Variants in EFTUD2 observed in about 807,000 individuals in gnomAD.
EFTUD2 encodes elongation factor Tu GTP binding domain containing 2, also known as 116 kDa U5 small nuclear ribonucleoprotein component.
Under a neutral mutation model 114.3 loss-of-function variants are expected in EFTUD2, and 9 were observed. The observed-to-expected ratio is 0.08, with a 90% CI of 0.05 to 0.14. The LOEUF is 0.14. EFTUD2 is among the 10% of genes least tolerant of loss of function. The probability of loss-of-function intolerance (pLI) is 1.00; values close to 1 mark genes in which losing one functional copy is unlikely to be tolerated. For missense variants in EFTUD2, 765 were observed against 1,241.2 expected (o/e 0.62, Z 5.76); for synonymous variants, 449 against 462.3 (o/e 0.97, Z 0.37).
chr17:44,862,981 GA>G, intron 15 of EFTUD2, 75 bp from the exon 16 acceptor site: 7 of 1,267,904 alleles, frequency 5.5e-6, no homozygotes, highest in Non-Finnish European at 6.7e-6. Context: ...CATCTTCCTT[GA>G]CAGCAAGGAC....
rs2051140798 is a variant in EFTUD2, at chr17:44,884,990, T to C, written c.350+266A>G. Among the ~76,000 whole-genome samples, 3 of 152,208 alleles carry C rather than the reference T, an allele frequency of 2.0e-5. No homozygotes were observed. In the South Asian group the frequency reaches 6.2e-4, roughly 31 times the overall value. On this transcript the variant is annotated intron_variant, in intron 4 of 27. Transcript: ENST00000426333. ...CTCTGGTGGATCCAACAGTGATAACTGCAATACCCAGATCTCTCTTGAAGG... is the reference window on the plus strand; with the variant it reads ...CTCTGGTGGATCCAACAGTGATAACCGCAATACCCAGATCTCTCTTGAAGG...
At chr17:44,883,922 T>C in intron 4 of EFTUD2, 198 bp from the exon 5 acceptor site, 1 of 594,982 alleles carries the variant, frequency 1.7e-6, no homozygotes, top group South Asian at 2.0e-5. Flanking sequence ...GGTAACACAA[T>C]CTGTGAATGG....
rs1375455644 is a variant in EFTUD2, at chr17:44,854,451, C to G, written c.2260-95G>C. ...AGATGTGCCTGTAAGGGGATACTGTCCTTCACCAGAGGACACAAGATACTT... is the reference window on the plus strand; with the variant it reads ...AGATGTGCCTGTAAGGGGATACTGTGCTTCACCAGAGGACACAAGATACTT... On this transcript the variant is annotated intron_variant, in intron 22 of 27. Coordinates refer to ENST00000426333, the MANE Select transcript of EFTUD2 (RefSeq NM_004247.4). The surrounding 1 kb of genome is among the most constrained non-coding windows in gnomAD (Gnocchi z 4.3). The G allele has an allele frequency of 8.9e-6, 14 of 1,579,130 alleles. No individual in the cohort carries two copies. The East Asian group carries it at 2.7e-4, about 30-fold the overall frequency.
In EFTUD2 at chr17:44,883,441, G is replaced by A. The variant is rs1471820907; in HGVS notation, c.426+208C>T. 7 of 613,668 alleles carry A rather than the reference G, an allele frequency of 1.1e-5. No homozygotes were observed. The African/African-American group carries it at 1.3e-4, about 11-fold the overall frequency. 38.0% of individuals were successfully genotyped at this position (613,668 alleles called of 1,614,324 possible). On this transcript the variant is annotated intron_variant, in intron 5 of 27. Transcript: ENST00000426333. ...GTCCAGATGTAGACATAAGGCTCAG[G>A]CATGCAAGTGGCTTAGGAACAGGCT...
chr17:44,877,937 G>A (rs1005490417), intron 9 of EFTUD2, among the ~76,000 whole-genome samples: 1 of 152,094 alleles, frequency 6.6e-6, no homozygotes, highest in African/African-American at 2.4e-5. Context: ...TTCGAGACCA[G>A]CCTGGCCAAC....
intron 15 of EFTUD2, chr17:44,863,117 T>G: frequency 2.3e-6 from 1 of 442,612 alleles, no homozygotes; most frequent in East Asian, 3.4e-5. Context: ...TCTTTTTTTT[T>G]TTTTGGGAGG....
chr17:44,867,729 AG>A, intron 13 of EFTUD2, 77 bp downstream of exon 13: 1 of 1,276,420 alleles, frequency 7.8e-7, no homozygotes, highest in East Asian at 2.7e-5. Flanking sequence ...TTAGGGACAG[AG>A]GGAAGTGTGA....
intron 2 of EFTUD2, among the ~76,000 whole-genome samples, chr17:44,889,150 C>A (rs753982294): frequency 1.3e-5 from 2 of 152,054 alleles, no homozygotes; most frequent in Non-Finnish European, 2.9e-5. Context: ...AGGGAATGAT[C>A]GGCTGGGACA....
intron 2 of EFTUD2, among the ~76,000 whole-genome samples, chr17:44,887,188 G>C (rs1325943391): frequency 1.3e-5 from 2 of 152,192 alleles, no homozygotes; most frequent in Non-Finnish European, 2.9e-5. Context: ...TGCTGGCAAG[G>C]ATGTGGAGAA....
chr17:44,860,788 G>A (rs191375044), intron 16 of EFTUD2, among the ~76,000 whole-genome samples: 1 of 151,926 alleles, frequency 6.6e-6, no homozygotes, highest in Non-Finnish European at 1.5e-5. Context: ...TTGTAGAGAC[G>A]GGGTTTTTTC....
chr17:44,899,172 G>A (rs77932725), intron 1 of EFTUD2, 197 bp downstream of exon 1: 7,336 of 152,304 alleles, frequency 0.048, 623 homozygotes, highest in African/African-American at 0.17. Flanking sequence ...GTGTGCGTGT[G>A]TGCGCGCTTC....
At chr17:44,867,595 C>T (rs915297264) in intron 13 of EFTUD2, among the ~76,000 whole-genome samples, 1 of 152,022 alleles carries the variant, frequency 6.6e-6, no homozygotes, top group Non-Finnish European at 1.5e-5. Context: ...CCACCATGCC[C>T]GGGCCCCTTT....
chr17:44,885,121 C>CAAGCT, intron 4 of EFTUD2, 135 bp downstream of exon 4: 1 of 687,202 alleles, frequency 1.5e-6, no homozygotes, highest in South Asian at 1.8e-5. Flanking sequence ...AGCAGCCACA[C>CAAGCT]AAGCTGAAGG....
intron 5 of EFTUD2, 162 bp downstream of exon 5, chr17:44,883,487 G>T (rs1194595489): frequency 2.8e-6 from 2 of 703,090 alleles, no homozygotes; most frequent in Non-Finnish European, 4.8e-6. Flanking sequence ...CTTGGGAAAA[G>T]CCAGAATTTC....
intron 14 of EFTUD2, 171 bp from the exon 15 acceptor site, chr17:44,863,953 T>G: frequency 1.2e-6 from 1 of 854,412 alleles, no homozygotes; most frequent in Non-Finnish European, 1.7e-6. Flanking sequence ...AATGTGCTGC[T>G]AGAAGATTTG....
Position 44,850,627 on chromosome 17 carries a change from G to T in EFTUD2, c.*647C>A. Reference sequence around the variant, plus strand: ...TTAGGGGAGGCAGCAGTTTCCTGAGGAGGTGGTGGGGTAGACTTCTGATCG... The same window carrying T: ...TTAGGGGAGGCAGCAGTTTCCTGAGTAGGTGGTGGGGTAGACTTCTGATCG... On this transcript the variant is annotated 3_prime_UTR_variant, in exon 28 of 28. Coordinates refer to ENST00000426333, the MANE Select transcript of EFTUD2 (RefSeq NM_004247.4). 1 of 463,430 alleles carries T rather than the reference G, an allele frequency of 2.2e-6. No homozygotes were observed. The highest frequency in any genetic ancestry group is 3.3e-5 in the East Asian group (1 of 29,904). 28.7% of individuals were successfully genotyped at this position (463,430 alleles called of 1,614,324 possible). A position where few individuals can be genotyped will look rare whatever the true frequency, so the allele number is the denominator to read the frequency against.
Position 44,857,211 on chromosome 17 carries a change from A to G in EFTUD2, c.1963-54T>C, listed in dbSNP as rs1157261767. The stretch of plus-strand genomic sequence containing the variant: ...CGAGGTCTAATTTTGTTGGAAGGGC[A>G]ACCATTTACCTAAGGGAATTCAGAA... On this transcript the variant is annotated intron_variant, in intron 19 of 27. Coordinates refer to ENST00000426333, the MANE Select transcript of EFTUD2 (RefSeq NM_004247.4). 3.3e-6 allele frequency: 5 copies of G among 1,511,976 alleles called. No individual in the cohort carries two copies. In the African/African-American group the frequency reaches 5.5e-5, roughly 17 times the overall value. 93.7% of individuals were successfully genotyped at this position (1,511,976 alleles called of 1,614,324 possible). A position where few individuals can be genotyped will look rare whatever the true frequency, so the allele number is the denominator to read the frequency against.
chr17:44,852,310 T>C, intron 26 of EFTUD2, 99 bp downstream of exon 26: 1 of 1,487,214 alleles, frequency 6.7e-7, no homozygotes, highest in South Asian at 1.3e-5. Flanking sequence ...TCCAGGATGC[T>C]GTACACCTCA....
chr17:44,866,887 T>A (rs923668138), intron 13 of EFTUD2, among the ~76,000 whole-genome samples: 2 of 152,178 alleles, frequency 1.3e-5, no homozygotes, highest in Admixed American at 6.5e-5. Context: ...GAGGATCACT[T>A]GAGGCTACAA....
Sources: gnomAD v4.1 joint callset for allele counts (sites outside exome capture counted in the v4.1 genomes callset) on GRCh38, gnomAD v4.1.1 for gene constraint, Gnocchi (gnomAD v3.1) non-coding constraint, MANE v1.5 for transcripts, NCBI Gene and HGNC (gene_info 2026-07-23, HGNC 2026-07-21) for gene names.